The following CCDC125 variants were observed in gnomAD, a reference collection of about 807,000 sequenced individuals.
The protein encoded by CCDC125 is coiled-coil domain-containing protein 125.
A neutral mutation model predicts 57.4 loss-of-function variants in CCDC125; 43 were observed. The observed-to-expected ratio is 0.75, with a 90% confidence interval of 0.59 to 0.97. CCDC125 has a LOEUF of 0.97. CCDC125 is among the 50% of genes least tolerant of loss of function. CCDC125 has a pLI of 0.00. For synonymous variants in CCDC125, 187 were observed against 195.2 expected, an observed-to-expected ratio of 0.96 and a Z score of 0.35; for missense variants, 563 against 595.7, an observed-to-expected ratio of 0.95 and a Z score of 0.57.
intron 2 of CCDC125, among the ~76,000 whole-genome samples, chr5:69,315,399 T>C (rs896722770): frequency 1.6e-5 from 2 of 123,208 alleles, no homozygotes; most frequent in African/African-American, 6.5e-5. Flanking sequence ...CTGTCTCTAC[T>C]AAAAATCCAG....
intron 11 of CCDC125, 58 bp from the exon 12 acceptor site, chr5:69,283,092 AGAGAAAG>A: frequency 7.6e-7 from 1 of 1,323,496 alleles, no homozygotes. Flanking sequence ...GAATATATTC[AGAGAAAG>A]GAGTATTGTA....
At chr5:69,310,058 G>C (rs1295862515) in intron 4 of CCDC125, 1 of 152,228 alleles carries the variant, frequency 6.6e-6, no homozygotes, top group Non-Finnish European at 1.5e-5. Flanking sequence ...GCTTGCTTTT[G>C]ATTTTACCAG....
At chr5:69,297,184 A>T (rs1455142488) in intron 8 of CCDC125, among the ~76,000 whole-genome samples, 3 of 152,000 alleles carry the variant, frequency 2.0e-5, no homozygotes, top group Non-Finnish European at 4.4e-5. Flanking sequence ...TTTCAGGCAT[A>T]TGCCACCACA....
Position 69,280,184 on chromosome 5 carries a change from A to G in CCDC125, c.*2545T>C, listed in dbSNP as rs894382459. 2 of 152,244 alleles carry G rather than the reference A, an allele frequency of 1.3e-5. No homozygotes were observed. Among genetic ancestry groups the G allele is most frequent in the Non-Finnish European group, 2.9e-5 (2 of 68,042 alleles). The allele number at this position is 152,244 out of a possible 1,614,324, so 9.4% of individuals were successfully genotyped here. On this transcript the variant is annotated 3_prime_UTR_variant, in exon 12 of 12. Transcript: ENST00000396496. ...AGGAAATGACCATTTTCTCATGACC[A>G]TACAGCCAACACAATAAACCTCAGC...
intron 7 of CCDC125, among the ~76,000 whole-genome samples, chr5:69,303,235 A>G (rs958932484): frequency 1.3e-5 from 2 of 151,998 alleles, no homozygotes; most frequent in Non-Finnish European, 2.9e-5. Context: ...TTTCTAATAG[A>G]AACAAGGTTT....
At chr5:69,308,097 C>A in intron 4 of CCDC125, 69 bp from the exon 5 acceptor site, 2 of 1,094,328 alleles carry the variant, frequency 1.8e-6, no homozygotes, top group Non-Finnish European at 2.8e-6. Flanking sequence ...TCATGAAGTT[C>A]TCTTTTATTT....
chr5:69,275,429 CTT>C (rs903500915), downstream of CCDC125, among the ~76,000 whole-genome samples: 5 of 152,048 alleles, frequency 3.3e-5, no homozygotes, highest in African/African-American at 1.2e-4. Context: ...AAGTTTCTCT[CTT>C]TGCATTTTGA....
At chr5:69,311,584 G>A (rs764590292) in intron 3 of CCDC125, among the ~76,000 whole-genome samples, 13 of 152,040 alleles carry the variant, frequency 8.6e-5, no homozygotes, top group East Asian at 7.8e-4. Flanking sequence ...CCCGGGAGGC[G>A]GAGGTTGCAG....
chr5:69,276,773 C>T, downstream of CCDC125: 1 of 1,138,526 alleles, frequency 8.8e-7, no homozygotes, highest in South Asian at 1.4e-5. Flanking sequence ...TGAACAACAG[C>T]AAAGAAATGT....
chr5:69,315,272 T>A (rs1290406974), intron 2 of CCDC125, among the ~76,000 whole-genome samples: 12 of 131,650 alleles, frequency 9.1e-5, no homozygotes, highest in African/African-American at 3.1e-4. Context: ...ATAAAAAAAA[T>A]AACCTGAAGG....
intron 1 of CCDC125, among the ~76,000 whole-genome samples, chr5:69,331,050 C>T (rs1337689509): frequency 2.0e-5 from 3 of 151,984 alleles, no homozygotes; most frequent in African/African-American, 7.2e-5. Flanking sequence ...CACATGTAAT[C>T]CGAGCACTTT....
At chr5:69,279,915 A>G (rs13161541), downstream of CCDC125, among the ~76,000 whole-genome samples, 42,551 of 152,098 alleles carry the variant, frequency 0.28, 6,545 homozygotes, top group East Asian at 0.4. Context: ...GGCAGGCCTC[A>G]GGAAACTTAC....
chr5:69,320,944 C>T (rs1486925431), intron 1 of CCDC125, among the ~76,000 whole-genome samples: 4 of 152,020 alleles, frequency 2.6e-5, no homozygotes, highest in South Asian at 2.1e-4. Context: ...ACAAATACCA[C>T]GTTCTTCCTT....
rs570466489 is a variant in CCDC125, at chr5:69,307,994, G to C, written c.488C>G (p.Ala163Gly). ...ILGKATSHTQ[A>G]VLQKTMEQNR... ...TTGTTCCATAGTTTTTTGAAGCACT[G>C]CCTGCGTATGACTTGTGGCTTTGCC... Residue 163 changes from alanine (A) to glycine (G), a missense_variant, in exon 5 of 12, where the codon GCA becomes GGA. Physicochemically the swap from Ala to Gly is moderately conservative, Grantham distance 60. Transcript: ENST00000396496. The C allele has an allele frequency of 6.2e-7, 1 of 1,613,930 alleles. No individual in the cohort carries two copies. Among genetic ancestry groups the C allele is most frequent in the Admixed American group, 1.7e-5 (1 of 60,014 alleles).
chr5:69,323,096 C>T (rs1183513833), intron 1 of CCDC125, among the ~76,000 whole-genome samples: 1 of 151,914 alleles, frequency 6.6e-6, no homozygotes, highest in East Asian at 2.0e-4. Context: ...CACTTGAGGT[C>T]AGAAGTTCAA....
chr5:69,285,449 C>T lies in CCDC125; in HGVS notation c.1118G>A (p.Ser373Asn). 1 of 1,600,160 alleles carries T rather than the reference C, an allele frequency of 6.2e-7. No homozygotes were observed. Among genetic ancestry groups the T allele is most frequent in the Non-Finnish European group, 8.5e-7 (1 of 1,176,076 alleles). ...LKEDGFPSPR[S>N]KKTFGQRLLG... ...CAGTCTCTGCCCGAAGGTCTTCTTA[C>T]TCCTTGGTGATGGAAATCCTAAAAT... Residue 373 changes from serine (S) to asparagine (N), a missense_variant, in exon 11 of 12, where the codon AGT becomes AAT. Transcript: ENST00000396496.
At chr5:69,278,598 T>C (rs1198822223), downstream of CCDC125, among the ~76,000 whole-genome samples, 1 of 152,112 alleles carries the variant, frequency 6.6e-6, no homozygotes, top group Non-Finnish European at 1.5e-5. Context: ...CTTTCCATGA[T>C]TTTATGCTAG....
intron 10 of CCDC125, among the ~76,000 whole-genome samples, chr5:69,286,356 C>T (rs952275979): frequency 2.7e-5 from 4 of 150,394 alleles, no homozygotes; most frequent in Non-Finnish European, 4.4e-5. Context: ...CTCAGCCTCC[C>T]GAGTAGCTGG....
At chr5:69,276,788 T>G (rs1444329298), downstream of CCDC125, 1 of 994,810 alleles carries the variant, frequency 1.0e-6, no homozygotes, top group Non-Finnish European at 1.5e-6. Context: ...AAATGTAGCT[T>G]GCTAGCTATT....
Sources: allele counts gnomAD v4.1 joint callset (sites outside exome capture counted in the v4.1 genomes callset), GRCh38; gene constraint gnomAD v4.1.1; transcripts MANE v1.5; gene names NCBI Gene and HGNC (gene_info 2026-07-23, HGNC 2026-07-21).